The following CDH4 variants were observed in gnomAD, a reference collection of about 807,000 sequenced individuals.
CDH4 encodes cadherin 4.
In CDH4, 33 loss-of-function variants were observed where a neutral mutation model predicts 86.0. The ratio of observed to expected loss-of-function variants is 0.38; its 90% confidence interval spans 0.29 to 0.51. The LOEUF is 0.51. CDH4 is among the 20% of genes least tolerant of loss of function. The pLI, the probability that CDH4 is intolerant of heterozygous loss-of-function variation, is 0.86. For missense variants in CDH4, 1,114 were observed against 1,307.4 expected (o/e 0.85, Z 2.28); for synonymous variants, 555 against 549.4 (o/e 1.01, Z -0.14).
chr20:61,868,539 G>A (rs1983650246), intron 6 of CDH4, among the ~76,000 whole-genome samples: 1 of 152,166 alleles, frequency 6.6e-6, no homozygotes. Context: ...CCCACAACAG[G>A]CCATAAACCC....
chr20:61,477,153 G>A (rs1326222211), intron 2 of CDH4, among the ~76,000 whole-genome samples: 1 of 152,224 alleles, frequency 6.6e-6, no homozygotes, highest in Non-Finnish European at 1.5e-5. Flanking sequence ...CCACGCCTCT[G>A]CCTGCCAGCG....
At chr20:61,312,722 G>A (rs186706320) in intron 2 of CDH4, among the ~76,000 whole-genome samples, 12 of 152,200 alleles carry the variant, frequency 7.9e-5, no homozygotes, top group South Asian at 2.1e-4. Context: ...CTCCATGTCC[G>A]AGGATGTGAG....
chr20:61,915,053 C>G (rs2054889868), intron 9 of CDH4, among the ~76,000 whole-genome samples: 1 of 152,194 alleles, frequency 6.6e-6, no homozygotes, highest in South Asian at 2.1e-4. Flanking sequence ...CCATCCTCAC[C>G]CCCATCTCAC....
At chr20:61,746,901 C>A (rs1347222706) in intron 3 of CDH4, among the ~76,000 whole-genome samples, 1 of 152,210 alleles carries the variant, frequency 6.6e-6, no homozygotes, top group Non-Finnish European at 1.5e-5. Context: ...CGCTGGGCCA[C>A]CTGGTTGATG....
At chr20:61,747,561 T>A (rs927157203) in intron 3 of CDH4, among the ~76,000 whole-genome samples, 1 of 152,004 alleles carries the variant, frequency 6.6e-6, no homozygotes, top group African/African-American at 2.4e-5. Flanking sequence ...CTTTGAGAGA[T>A]AATTAGAAGG....
At chr20:61,625,333 A>C (rs913618483) in intron 2 of CDH4, among the ~76,000 whole-genome samples, 6 of 152,162 alleles carry the variant, frequency 3.9e-5, no homozygotes, top group Non-Finnish European at 7.3e-5. Context: ...TCAAATATTT[A>C]AGGAGTTTTT....
intron 2 of CDH4, among the ~76,000 whole-genome samples, chr20:61,258,230 T>C (rs111513772): frequency 6.9e-6 from 1 of 144,820 alleles, no homozygotes; most frequent in East Asian, 2.1e-4. Flanking sequence ...CGTGAGAGGC[T>C]GAGGCAGGAG....
chr20:61,634,998 C>T lies in CDH4; in HGVS notation c.170-108565C>T, dbSNP rs563163918. On this transcript the variant is annotated intron_variant, in intron 2 of 15. Transcript: ENST00000614565. ...CTTCCTTTGTAAGTCTGAGTGGTTG[C>T]CATTCTATGTAGAGGCGGCACTTTG... Among the ~76,000 whole-genome samples the T allele has an allele frequency of 3.3e-5, 5 of 152,302 alleles. No individual in the cohort carries two copies. In the East Asian group the frequency reaches 5.8e-4, roughly 18 times the overall value.
At chr20:61,567,339 G>T (rs886427824) in intron 2 of CDH4, among the ~76,000 whole-genome samples, 2 of 152,200 alleles carry the variant, frequency 1.3e-5, no homozygotes, top group African/African-American at 4.8e-5. Flanking sequence ...ACTTTTCACA[G>T]TTCTGGAGGC....
chr20:61,752,786 C>T (rs1020850257), intron 3 of CDH4, among the ~76,000 whole-genome samples: 2 of 152,160 alleles, frequency 1.3e-5, no homozygotes, highest in Admixed American at 6.5e-5. Flanking sequence ...AGCAGGAACA[C>T]GTGTCAGCCG....
chr20:61,411,120 TTCCATCCA>T (rs11473075), intron 2 of CDH4, among the ~76,000 whole-genome samples: 32 of 146,914 alleles, frequency 2.2e-4, no homozygotes, highest in African/African-American at 2.6e-4. Context: ...CCGTCTTTCC[TTCCATCCA>T]TCCATCCATC....
chr20:61,303,844 C>A (rs935945717), intron 2 of CDH4, among the ~76,000 whole-genome samples: 2 of 152,192 alleles, frequency 1.3e-5, no homozygotes, highest in African/African-American at 2.4e-5. Flanking sequence ...GGAAAGCGAG[C>A]CTTCAGCAGC....
intron 1 of CDH4, among the ~76,000 whole-genome samples, chr20:61,253,792 G>C (rs963162501): frequency 1.2e-4 from 19 of 152,148 alleles, no homozygotes; most frequent in Admixed American, 7.2e-4. Flanking sequence ...GGCTGGGGGC[G>C]GCCTCCGGAG....
intron 2 of CDH4, among the ~76,000 whole-genome samples, chr20:61,498,180 C>T (rs6121647): frequency 0.033 from 5,080 of 151,690 alleles, 307 homozygotes; most frequent in African/African-American, 0.12. Flanking sequence ...ACGTTGTGCT[C>T]ATGTACCCTA....
chr20:61,774,098 AC>A (rs1254075979), intron 4 of CDH4, among the ~76,000 whole-genome samples: 1 of 152,088 alleles, frequency 6.6e-6, no homozygotes, highest in Non-Finnish European at 1.5e-5. Context: ...GTGCCTCCAC[AC>A]CCCAGCCAAG....
At chr20:61,722,429 C>T (rs1390100632) in intron 2 of CDH4, among the ~76,000 whole-genome samples, 2 of 152,200 alleles carry the variant, frequency 1.3e-5, no homozygotes, top group African/African-American at 4.8e-5. Flanking sequence ...GATTTCACCT[C>T]CTCAGGCCTC....
intron 2 of CDH4, among the ~76,000 whole-genome samples, chr20:61,616,363 G>A (rs771272611): frequency 5.9e-5 from 9 of 152,184 alleles, no homozygotes; most frequent in Non-Finnish European, 1.2e-4. Flanking sequence ...CTTGGGGGAC[G>A]TCAGTCTCTG....
chr20:61,463,882 CA>C (rs1454666339), intron 2 of CDH4, among the ~76,000 whole-genome samples: 1 of 152,108 alleles, frequency 6.6e-6, no homozygotes, highest in African/African-American at 2.4e-5. Context: ...TCAGGGAGGT[CA>C]GGGGCAATGG....
chr20:61,909,966 G>A (rs1395851244), intron 8 of CDH4, among the ~76,000 whole-genome samples: 3 of 152,266 alleles, frequency 2.0e-5, no homozygotes, highest in Non-Finnish European at 4.4e-5. Context: ...TGCCGTGGCT[G>A]CAGGGCTGAC....
Sources: allele counts gnomAD v4.1 joint callset (sites outside exome capture counted in the v4.1 genomes callset), GRCh38; gene constraint gnomAD v4.1.1; transcripts MANE v1.5; gene names NCBI Gene and HGNC (gene_info 2026-07-23, HGNC 2026-07-21).